Variants in DLC1 observed in about 807,000 individuals in gnomAD.
DLC1 encodes the protein rho GTPase-activating protein 7.
A neutral mutation model predicts 140.3 loss-of-function variants in DLC1; 54 were observed. The ratio of observed to expected loss-of-function variants is 0.38; its 90% CI spans 0.31 to 0.48. The LOEUF is 0.48. Among genes scored for constraint, DLC1 ranks in the 20% least tolerant of loss-of-function variants. The pLI is 0.96. For synonymous variants in DLC1, 986 were observed against 728.1 expected, an observed-to-expected ratio of 1.35 and a Z score of -5.70; for missense variants, 2,536 against 1,907.0, an observed-to-expected ratio of 1.33 and a Z score of -6.14.
At chr8:13,170,000 C>T (rs765548116) in intron 5 of DLC1, among the ~76,000 whole-genome samples, 10 of 151,796 alleles carry the variant, frequency 6.6e-5, no homozygotes, top group South Asian at 2.1e-4. Context: ...AGCCTGGCAA[C>T]AGAGCAAGAC....
At chr8:13,482,520 ACTT>A (rs201829068) in intron 2 of DLC1, among the ~76,000 whole-genome samples, 1,745 of 152,296 alleles carry the variant, frequency 0.011, 11 homozygotes, top group Middle Eastern at 0.027. Flanking sequence ...AGGAATCTTG[ACTT>A]CTTAAAACTA....
chr8:13,494,102 G>C (rs1801387863), intron 2 of DLC1, among the ~76,000 whole-genome samples: 1 of 152,068 alleles, frequency 6.6e-6, no homozygotes. Context: ...TTCATAATGA[G>C]GAAAGGTATT....
intron 2 of DLC1, among the ~76,000 whole-genome samples, chr8:13,419,899 T>G (rs913108145): frequency 5.3e-5 from 8 of 152,218 alleles, no homozygotes; most frequent in Non-Finnish European, 1.0e-4. Context: ...GATCCTGTTA[T>G]TGGTCTATTG....
chr8:13,453,312 A>C (rs1444888267), intron 2 of DLC1, among the ~76,000 whole-genome samples: 2 of 143,820 alleles, frequency 1.4e-5, no homozygotes, highest in African/African-American at 2.6e-5. Flanking sequence ...GATATTCCTT[A>C]GGAGGTGTTT....
chr8:13,171,607 C>G (rs1368712218), intron 5 of DLC1, among the ~76,000 whole-genome samples: 2 of 152,122 alleles, frequency 1.3e-5, no homozygotes, highest in Non-Finnish European at 1.5e-5. Context: ...AGGCTGGTCT[C>G]AAACTCCTGG....
chr8:13,474,936 T>G (rs911059347), intron 2 of DLC1, among the ~76,000 whole-genome samples: 2 of 152,312 alleles, frequency 1.3e-5, no homozygotes, highest in African/African-American at 2.4e-5. Flanking sequence ...GACTTAGGAC[T>G]GTGGACTTTT....
chr8:13,166,822 G>C (rs1225040042), intron 5 of DLC1, among the ~76,000 whole-genome samples: 1 of 152,188 alleles, frequency 6.6e-6, no homozygotes, highest in Admixed American at 6.5e-5. Flanking sequence ...GAGAAAGACT[G>C]CAGGTGCTGG....
chr8:13,314,295 A>C (rs139033785), intron 4 of DLC1, among the ~76,000 whole-genome samples: 1 of 148,290 alleles, frequency 6.7e-6, no homozygotes, highest in East Asian at 1.9e-4. Context: ...TCAGAATATA[A>C]TATGTATATA....
At chr8:13,507,997 C>T (rs948592307) in intron 1 of DLC1, among the ~76,000 whole-genome samples, 31 of 151,948 alleles carry the variant, frequency 2.0e-4, no homozygotes, top group Non-Finnish European at 4.6e-4. Flanking sequence ...TTTTTTTATT[C>T]TTAGCCCTCA....
intron 2 of DLC1, among the ~76,000 whole-genome samples, chr8:13,453,817 G>C (rs924885312): frequency 2.0e-5 from 3 of 151,608 alleles, no homozygotes; most frequent in African/African-American, 7.3e-5. Context: ...TTTATGAGTT[G>C]CTACTATATG....
chr8:13,188,856 T>G (rs1357632370), intron 5 of DLC1, among the ~76,000 whole-genome samples: 1 of 117,426 alleles, frequency 8.5e-6, no homozygotes, highest in African/African-American at 3.2e-5. Context: ...TTTTTTTTTT[T>G]TTTTTTTTTT....
chr8:13,151,430 A>C (rs917299737), intron 5 of DLC1, among the ~76,000 whole-genome samples: 2 of 152,238 alleles, frequency 1.3e-5, no homozygotes, highest in African/African-American at 4.8e-5. Context: ...AAGGTCATAC[A>C]GGTGGTAAAC....
intron 5 of DLC1, among the ~76,000 whole-genome samples, chr8:13,252,280 T>G (rs1830039346): frequency 6.6e-6 from 1 of 152,126 alleles, no homozygotes; most frequent in South Asian, 2.1e-4. Context: ...CTCAGTAGTC[T>G]CCAGTGATGG....
intron 2 of DLC1, among the ~76,000 whole-genome samples, chr8:13,447,472 C>T (rs1215418503): frequency 6.6e-6 from 1 of 152,084 alleles, no homozygotes; most frequent in Non-Finnish European, 1.5e-5. Flanking sequence ...TTGTTATTAA[C>T]CAGATTCACT....
intron 5 of DLC1, among the ~76,000 whole-genome samples, chr8:13,286,793 A>G (rs1048247081): frequency 6.6e-6 from 1 of 152,048 alleles, no homozygotes; most frequent in African/African-American, 2.4e-5. Context: ...AAAAATGCTA[A>G]AGAAAGACAA....
intron 4 of DLC1, among the ~76,000 whole-genome samples, chr8:13,353,983 G>T (rs75881324): frequency 0.027 from 4,038 of 152,008 alleles, 148 homozygotes; most frequent in African/African-American, 0.087. Flanking sequence ...CCTTCTGTGG[G>T]TCCACTGACT....
chr8:13,385,561 A>C (rs1263364440), intron 4 of DLC1, among the ~76,000 whole-genome samples: 1 of 152,352 alleles, frequency 6.6e-6, no homozygotes, highest in Admixed American at 6.5e-5. Flanking sequence ...GTGGCATCTT[A>C]GGACTTTATG....
intron 2 of DLC1, among the ~76,000 whole-genome samples, chr8:13,405,552 G>GAC (rs1837488581): frequency 6.6e-6 from 1 of 151,904 alleles, no homozygotes; most frequent in South Asian, 2.1e-4. Flanking sequence ...TGGTAAAGTC[G>GAC]AGACTAGAGC....
At chr8:13,436,658 G>C (rs747778721) in intron 2 of DLC1, among the ~76,000 whole-genome samples, 1 of 152,132 alleles carries the variant, frequency 6.6e-6, no homozygotes, top group Admixed American at 6.5e-5. Context: ...CAGACGAACG[G>C]AGGAGGAAAT....
Sources: allele counts gnomAD v4.1 joint callset (sites outside exome capture counted in the v4.1 genomes callset), GRCh38; gene constraint gnomAD v4.1.1; transcripts MANE v1.5; gene names NCBI Gene and HGNC (gene_info 2026-07-23, HGNC 2026-07-21).